ADAM12: variants seen among roughly 807,000 people sequenced by gnomAD.
ADAM12 encodes disintegrin and metalloproteinase domain-containing protein 12.
A neutral mutation model predicts 106.4 loss-of-function variants in ADAM12; 70 were observed. That is an observed-to-expected ratio of 0.66 (90% CI 0.54 to 0.80). ADAM12 has a LOEUF of 0.80. Among genes scored for constraint, ADAM12 ranks in the 30% least tolerant of loss-of-function variants. The probability of loss-of-function intolerance (pLI) is 0.00; values close to 1 mark genes in which losing one functional copy is unlikely to be tolerated. For missense variants in ADAM12, 1,010 were observed against 1,171.9 expected (o/e 0.86, Z 2.02); for synonymous variants, 420 against 433.5 (o/e 0.97, Z 0.39).
intron 1 of ADAM12, among the ~76,000 whole-genome samples, chr10:126,365,392 T>C (rs1855875115): frequency 6.6e-6 from 1 of 152,148 alleles, no homozygotes; most frequent in Non-Finnish European, 1.5e-5. Context: ...ATAATGCCAC[T>C]AGCTAGGAAT....
chr10:126,087,083 A>C (rs1212993184), intron 11 of ADAM12, among the ~76,000 whole-genome samples: 1 of 152,010 alleles, frequency 6.6e-6, no homozygotes, highest in Admixed American at 6.6e-5. Context: ...GGACACCATG[A>C]ATGCAGTCCT....
At chr10:126,221,248 G>A (rs1958086396) in intron 3 of ADAM12, among the ~76,000 whole-genome samples, 2 of 152,090 alleles carry the variant, frequency 1.3e-5, no homozygotes, top group South Asian at 4.1e-4. Context: ...GTCAGGTGTG[G>A]TGGCACATGC....
chr10:126,219,835 T>A (rs575630926), intron 3 of ADAM12, among the ~76,000 whole-genome samples: 4 of 152,284 alleles, frequency 2.6e-5, no homozygotes, highest in Admixed American at 2.0e-4. Context: ...GTAAAAAAAA[T>A]TATTGTCAGT....
intron 4 of ADAM12, among the ~76,000 whole-genome samples, chr10:126,154,720 A>G (rs1956782839): frequency 6.6e-6 from 1 of 152,212 alleles, no homozygotes; most frequent in Admixed American, 6.5e-5. Context: ...GACACAGCTA[A>G]AAGTTCAAAT....
At chr10:126,265,406 T>G (rs1019970154) in intron 3 of ADAM12, among the ~76,000 whole-genome samples, 2 of 152,220 alleles carry the variant, frequency 1.3e-5, no homozygotes, top group African/African-American at 4.8e-5. Context: ...AGGCACTGAT[T>G]GTTAATGGCC....
chr10:126,276,487 C>T (rs1959251964), intron 3 of ADAM12, among the ~76,000 whole-genome samples: 1 of 152,000 alleles, frequency 6.6e-6, no homozygotes, highest in South Asian at 2.1e-4. Flanking sequence ...GTATTCATTG[C>T]GTCAAAGGTA....
chr10:126,104,082 T>G (rs1251452064), intron 8 of ADAM12, among the ~76,000 whole-genome samples: 1 of 152,210 alleles, frequency 6.6e-6, no homozygotes, highest in Non-Finnish European at 1.5e-5. Flanking sequence ...TGAAGGAAAC[T>G]GCATCCTTCA....
At chr10:126,365,398 G>C (rs1238228630) in intron 1 of ADAM12, among the ~76,000 whole-genome samples, 2 of 152,134 alleles carry the variant, frequency 1.3e-5, no homozygotes, top group Admixed American at 1.3e-4. Context: ...CCACTAGCTA[G>C]GAATGAAGAA....
intron 6 of ADAM12, among the ~76,000 whole-genome samples, chr10:126,112,454 G>A (rs551999648): frequency 1.1e-3 from 169 of 152,042 alleles, no homozygotes; most frequent in African/African-American, 3.9e-3. Context: ...TTCCTCAAAC[G>A]GGAACATCAG....
chr10:126,173,579 G>A (rs1416127904), intron 3 of ADAM12, among the ~76,000 whole-genome samples: 1 of 152,038 alleles, frequency 6.6e-6, no homozygotes, highest in East Asian at 1.9e-4. Context: ...GAGAACTGCT[G>A]GTATGTAGGA....
intron 3 of ADAM12, among the ~76,000 whole-genome samples, chr10:126,217,245 CAG>C (rs969191176): frequency 6.6e-6 from 1 of 152,032 alleles, no homozygotes; most frequent in Non-Finnish European, 1.5e-5. Context: ...AAAGTTTACC[CAG>C]AAGAGAGCAA....
chr10:126,034,549 T>C (rs1470075048), intron 21 of ADAM12, among the ~76,000 whole-genome samples: 1 of 152,116 alleles, frequency 6.6e-6, no homozygotes, highest in African/African-American at 2.4e-5. Context: ...ATTAACATGG[T>C]AGACTTAAAT....
chr10:126,101,029 A>G (rs2290845), intron 9 of ADAM12, 43 bp downstream of exon 9: 153,324 of 1,603,116 alleles, frequency 0.096, 12,198 homozygotes, highest in African/African-American at 0.36. Context: ...CTTCGCCGAG[A>G]GCACTCCTTT....
At chr10:126,384,340 A>G (rs35098406) in intron 1 of ADAM12, among the ~76,000 whole-genome samples, 11,543 of 152,258 alleles carry the variant, frequency 0.076, 487 homozygotes, top group East Asian at 0.16. Flanking sequence ...TATCAAAAAA[A>G]GTTGTATCTT....
intron 5 of ADAM12, among the ~76,000 whole-genome samples, chr10:126,121,113 A>ATATATAG (rs751471972): frequency 0.53 from 44,627 of 84,012 alleles, 12,672 homozygotes; most frequent in Non-Finnish European, 0.56. Flanking sequence ...TATATATAGT[A>ATATATAG]TATATATAGT....
At chr10:126,237,265 G>T (rs1487051665) in intron 3 of ADAM12, among the ~76,000 whole-genome samples, 1 of 152,116 alleles carries the variant, frequency 6.6e-6, no homozygotes, top group Non-Finnish European at 1.5e-5. Context: ...TTGTGTGTTT[G>T]TTGGCCTGGC....
chr10:126,168,324 A>C (rs1457643860), intron 3 of ADAM12, among the ~76,000 whole-genome samples: 1 of 152,210 alleles, frequency 6.6e-6, no homozygotes, highest in Non-Finnish European at 1.5e-5. Context: ...CAGTGGAAGA[A>C]CAAATCTCAT....
In ADAM12 at chr10:126,364,294, A is replaced by AG. The variant is rs760342231; in HGVS notation, c.88+23763_88+23764insC. ...CAAAAGAGGAATTATTGCTGTTTGTACACATTTTTATAGCAATTCTTTATG... is the reference window on the plus strand; with the variant it reads ...CAAAAGAGGAATTATTGCTGTTTGTAGCACATTTTTATAGCAATTCTTTATG... On this transcript the variant is annotated intron_variant, in intron 1 of 22. Transcript: ENST00000448723. Among the ~76,000 whole-genome samples the AG allele has an allele frequency of 1.7e-3, 263 of 152,308 alleles. 6 individuals carry two copies. In the East Asian group the frequency reaches 0.044, roughly 26 times the overall value.
chr10:126,329,556 G>A (rs1044309969), intron 2 of ADAM12, among the ~76,000 whole-genome samples: 5 of 152,122 alleles, frequency 3.3e-5, no homozygotes, highest in African/African-American at 1.2e-4. Context: ...TAGAAAAAAT[G>A]TGCACATTTG....
Sources: allele counts gnomAD v4.1 joint callset (sites outside exome capture counted in the v4.1 genomes callset), GRCh38; gene constraint gnomAD v4.1.1; transcripts MANE v1.5; gene names NCBI Gene and HGNC (gene_info 2026-07-23, HGNC 2026-07-21).